The following SEZ6L variants were observed in gnomAD, a reference collection of about 807,000 sequenced individuals.
SEZ6L encodes the protein seizure related 6 homolog like.
SEZ6L carries 37 observed loss-of-function variants against 106.2 expected under a neutral mutation model. That is an observed-to-expected ratio of 0.35 (90% CI 0.27 to 0.46). The LOEUF (loss-of-function observed/expected upper bound fraction) is 0.46, where lower values mean the gene tolerates loss of function less well. SEZ6L is among the 20% of genes least tolerant of loss of function. The pLI is 1.00. For synonymous variants in SEZ6L, 541 were observed against 570.4 expected (o/e 0.95, Z 0.73); for missense variants, 1,172 against 1,332.8 (o/e 0.88, Z 1.88).
intron 1 of SEZ6L, among the ~76,000 whole-genome samples, chr22:26,197,022 G>A (rs2145669561): frequency 6.6e-6 from 1 of 152,286 alleles, no homozygotes; most frequent in African/African-American, 2.4e-5. Context: ...CATCTTGTTT[G>A]CTGATACATT....
intron 1 of SEZ6L, among the ~76,000 whole-genome samples, chr22:26,260,066 A>T (rs2079949782): frequency 6.6e-6 from 1 of 152,212 alleles, no homozygotes. Flanking sequence ...TAAATTATAC[A>T]CAATGCAAAG....
At chr22:26,181,201 A>G (rs1939367505) in intron 1 of SEZ6L, among the ~76,000 whole-genome samples, 1 of 152,230 alleles carries the variant, frequency 6.6e-6, no homozygotes, top group Non-Finnish European at 1.5e-5. Context: ...TAAGCAGTAT[A>G]CAACCTATGC....
chr22:26,198,031 G>A lies in SEZ6L; in HGVS notation c.94+28268G>A, dbSNP rs61684134. On this transcript the variant is annotated intron_variant, in intron 1 of 16. Coordinates refer to ENST00000248933, the MANE Select transcript of SEZ6L (RefSeq NM_021115.5). ...GAAGATTTGACCAAACTTATAGATG[G>A]ACTGGGGCAAAAGGAGAAGCTACTG... 1.1e-4 allele frequency among the ~76,000 whole-genome samples: 17 copies of A among 152,316 alleles called. No homozygotes were observed. The South Asian group carries it at 1.9e-3, about 17-fold the overall frequency.
chr22:26,187,058 G>C (rs1939830790), intron 1 of SEZ6L, among the ~76,000 whole-genome samples: 1 of 152,192 alleles, frequency 6.6e-6, no homozygotes, highest in East Asian at 1.9e-4. Flanking sequence ...GCTAAGGTTA[G>C]GGACAATTTG....
At chr22:26,231,399 A>G (rs952740515) in intron 1 of SEZ6L, among the ~76,000 whole-genome samples, 1 of 152,130 alleles carries the variant, frequency 6.6e-6, no homozygotes, top group African/African-American at 2.4e-5. Flanking sequence ...CTAGTCCTCA[A>G]TTTGGTTCAG....
intron 3 of SEZ6L, among the ~76,000 whole-genome samples, chr22:26,295,757 A>G (rs1371568309): frequency 3.3e-5 from 5 of 152,202 alleles, no homozygotes; most frequent in African/African-American, 1.2e-4. Flanking sequence ...TTGACACAGG[A>G]GAATATGTTG....
chr22:26,276,660 C>A (rs2080555114), intron 1 of SEZ6L, among the ~76,000 whole-genome samples: 2 of 152,228 alleles, frequency 1.3e-5, no homozygotes, highest in Admixed American at 1.3e-4. Context: ...CTCAATGACT[C>A]ACTGATTTTT....
chr22:26,299,492 G>A lies in SEZ6L; in HGVS notation c.1348+323G>A, dbSNP rs192081465. On this transcript the variant is annotated intron_variant, in intron 5 of 16. Coordinates refer to ENST00000248933, the MANE Select transcript of SEZ6L (RefSeq NM_021115.5). ...CCATCCCTCCCTCCTCCCCACACTC[G>A]CTGGCAACCATCCGGCTGCATTCTG... Among the ~76,000 whole-genome samples, 104 of 151,978 alleles carry A rather than the reference G, an allele frequency of 6.8e-4. No individual in the cohort carries two copies. In the East Asian group the frequency reaches 9.3e-3, roughly 14 times the overall value.
At chr22:26,183,645 G>A (rs1939558273) in intron 1 of SEZ6L, among the ~76,000 whole-genome samples, 1 of 152,160 alleles carries the variant, frequency 6.6e-6, no homozygotes, top group Non-Finnish European at 1.5e-5. Context: ...ACTCCAACGG[G>A]GCCTGCTGAG....
chr22:26,227,775 G>C (rs1026095882), intron 1 of SEZ6L, among the ~76,000 whole-genome samples: 2 of 152,128 alleles, frequency 1.3e-5, no homozygotes, highest in Non-Finnish European at 2.9e-5. Flanking sequence ...TGTCACTTTG[G>C]GTGCTGACTG....
intron 9 of SEZ6L, among the ~76,000 whole-genome samples, chr22:26,321,920 G>A (rs1332691894): frequency 6.6e-6 from 1 of 152,158 alleles, no homozygotes; most frequent in Non-Finnish European, 1.5e-5. Flanking sequence ...CTACTGGGCA[G>A]TCTGTTGATA....
At chr22:26,363,657 G>A (rs182048454) in intron 12 of SEZ6L, among the ~76,000 whole-genome samples, 5 of 152,266 alleles carry the variant, frequency 3.3e-5, no homozygotes, top group East Asian at 1.9e-4. Flanking sequence ...CAAACAACAC[G>A]TTTATTATCT....
At chr22:26,225,403 C>G (rs2078606888) in intron 1 of SEZ6L, among the ~76,000 whole-genome samples, 1 of 152,164 alleles carries the variant, frequency 6.6e-6, no homozygotes, top group Admixed American at 6.5e-5. Flanking sequence ...ATCACTCAGT[C>G]TGTCAGAAGC....
intron 9 of SEZ6L, among the ~76,000 whole-genome samples, chr22:26,325,086 A>G (rs530141875): frequency 1.1e-3 from 162 of 152,252 alleles, no homozygotes; most frequent in Non-Finnish European, 2.1e-3. Flanking sequence ...TCATCCTCCA[A>G]TTGCTAGCTT....
chr22:26,224,792 A>C (rs2078588548), intron 1 of SEZ6L, among the ~76,000 whole-genome samples: 1 of 152,198 alleles, frequency 6.6e-6, no homozygotes, highest in Non-Finnish European at 1.5e-5. Context: ...GAGCTTAAAT[A>C]GTTAGGTAGA....
chr22:26,175,961 G>A (rs1938972022), intron 1 of SEZ6L, among the ~76,000 whole-genome samples: 2 of 152,220 alleles, frequency 1.3e-5, no homozygotes, highest in Admixed American at 1.3e-4. Context: ...GTGCTGGCAT[G>A]GAAGGCTGAA....
intron 13 of SEZ6L, among the ~76,000 whole-genome samples, chr22:26,369,348 T>G (rs1301192729): frequency 9.7e-6 from 1 of 103,614 alleles, no homozygotes; most frequent in Non-Finnish European, 1.9e-5. Context: ...GTTCTTTTGT[T>G]TTTTTTTTTG....
At chr22:26,222,987 A>C (rs1217740003) in intron 1 of SEZ6L, among the ~76,000 whole-genome samples, 1 of 26,582 alleles carries the variant, frequency 3.8e-5, no homozygotes, top group African/African-American at 4.9e-4. Context: ...AGCCTCCCAC[A>C]AAAAAAAAAA....
At position 26,295,294 on chromosome 22, in the gene SEZ6L, A is replaced by T. The variant is rs142408354; in HGVS notation, c.969+869A>T. Among the ~76,000 whole-genome samples, 1,064 of 152,340 alleles carry T rather than the reference A, an allele frequency of 7.0e-3. 8 individuals carry two copies. Among genetic ancestry groups the T allele is most frequent in the African/African-American group, 0.024 (1,006 of 41,578 alleles). On this transcript the variant is annotated intron_variant, in intron 3 of 16. Coordinates refer to ENST00000248933, the MANE Select transcript of SEZ6L (RefSeq NM_021115.5). ...AATCATTTGGTCAGAGCCCAGCAGAAATCGCGACCATGCAGTGCATGTTAT... is the reference window on the plus strand; with the variant it reads ...AATCATTTGGTCAGAGCCCAGCAGATATCGCGACCATGCAGTGCATGTTAT...
Sources: allele counts gnomAD v4.1 joint callset (sites outside exome capture counted in the v4.1 genomes callset), GRCh38; gene constraint gnomAD v4.1.1; transcripts MANE v1.5; gene names NCBI Gene and HGNC (gene_info 2026-07-23, HGNC 2026-07-21).